The following ITSN1 variants were observed in gnomAD, a reference collection of about 807,000 sequenced individuals.
ITSN1 encodes the protein intersectin 1, also known as intersectin-1.
A neutral mutation model predicts 239.8 loss-of-function variants in ITSN1; 58 were observed. The ratio of observed to expected loss-of-function variants is 0.24; its 90% confidence interval spans 0.20 to 0.30. The LOEUF (loss-of-function observed/expected upper bound fraction) is 0.30, where lower values mean the gene tolerates loss of function less well. Ranked by LOEUF, ITSN1 falls within the 10% of genes least tolerant of loss-of-function variation. The pLI, the probability that ITSN1 is intolerant of heterozygous loss-of-function variation, is 1.00. For missense variants in ITSN1, 1,558 were observed against 2,103.3 expected, an observed-to-expected ratio of 0.74 and a Z score of 5.07; for synonymous variants, 780 against 770.8, an observed-to-expected ratio of 1.01 and a Z score of -0.20.
chr21:33,691,697 C>T (rs1032429712), intron 1 of ITSN1, among the ~76,000 whole-genome samples: 1 of 152,196 alleles, frequency 6.6e-6, no homozygotes, highest in Non-Finnish European at 1.5e-5. Context: ...GGCTAAGTCT[C>T]AGATCAAGAT....
At chr21:33,783,430 C>T (rs2070370722) in intron 16 of ITSN1, among the ~76,000 whole-genome samples, 1 of 152,040 alleles carries the variant, frequency 6.6e-6, no homozygotes, top group Non-Finnish European at 1.5e-5. Flanking sequence ...GGAAAGTGCT[C>T]TTAGGGGAAA....
At chr21:33,840,656 C>G (rs1385002548) in intron 29 of ITSN1, among the ~76,000 whole-genome samples, 2 of 151,766 alleles carry the variant, frequency 1.3e-5, no homozygotes, top group Non-Finnish European at 2.9e-5. Context: ...GCCACCGTGC[C>G]TGGCTTACTT....
chr21:33,772,267 C>T lies in ITSN1; in HGVS notation c.1249C>T (p.Arg417Trp), dbSNP rs751006736. 27 of 1,587,896 alleles carry T rather than the reference C, an allele frequency of 1.7e-5. No homozygotes were observed. Among genetic ancestry groups the T allele is most frequent in the Middle Eastern group, 1.7e-4 (1 of 6,028 alleles). Reference sequence around the variant, plus strand: ...ACTGGAGAAGCAACTGGAAAAGCAGCGGGAGCTAGAACGGCAGAGAGAGGA... The same window carrying T: ...ACTGGAGAAGCAACTGGAAAAGCAGTGGGAGCTAGAACGGCAGAGAGAGGA... ...LELEKQLEKQRELERQREEER... is the reference protein window; with the variant it reads ...LELEKQLEKQWELERQREEER... Residue 417 changes from arginine (R) to tryptophan (W), a missense_variant, in exon 12 of 40, where the codon CGG becomes TGG. By Grantham distance (101) the Arg-to-Trp change is moderately radical. This residue lies in a region of ITSN1 where 982 missense variants were observed against 1,209.9 expected (regional missense o/e 0.81). Transcript: ENST00000381318.
At chr21:33,826,888 C>G in intron 26 of ITSN1, 25 bp downstream of exon 26, 6 of 1,595,632 alleles carry the variant, frequency 3.8e-6, no homozygotes, top group Non-Finnish European at 5.2e-6. Flanking sequence ...CTGATGCTTA[C>G]TTTTCAATGT....
At chr21:33,809,269 G>T (rs556219326) in intron 20 of ITSN1, among the ~76,000 whole-genome samples, 1 of 152,252 alleles carries the variant, frequency 6.6e-6, no homozygotes, top group East Asian at 1.9e-4. Flanking sequence ...TTATACAAGG[G>T]AACTCCTTTT....
intron 1 of ITSN1, among the ~76,000 whole-genome samples, chr21:33,664,598 TAAGC>T (rs1031536629): frequency 6.6e-6 from 1 of 152,172 alleles, no homozygotes; most frequent in African/African-American, 2.4e-5. Context: ...TGTGTAACCA[TAAGC>T]AAGCTATTTA....
chr21:33,873,183 A>G (rs1983046546), intron 33 of ITSN1, among the ~76,000 whole-genome samples: 1 of 152,234 alleles, frequency 6.6e-6, no homozygotes, highest in South Asian at 2.1e-4. Context: ...TTGTGGACTC[A>G]CAAGACATAG....
In ITSN1 at chr21:33,703,962, CCT is replaced by C. The variant is rs1325469894; in HGVS notation, c.-32-14834_-32-14833del. ...GCTTCCTGCACTCCTGGGTAACTCT[CCT>C]GCTTTCTAGGCCACAGGGCCAGGGA... On this transcript the variant is annotated intron_variant, in intron 1 of 39. Coordinates refer to ENST00000381318, the MANE Select transcript of ITSN1 (RefSeq NM_003024.3). 2.6e-5 allele frequency among the ~76,000 whole-genome samples: 4 copies of C among 152,196 alleles called. No individual in the cohort carries two copies. The East Asian group carries it at 7.7e-4, about 29-fold the overall frequency.
chr21:33,727,304 G>GGT (rs1278753677), intron 4 of ITSN1, among the ~76,000 whole-genome samples: 1 of 151,988 alleles, frequency 6.6e-6, no homozygotes, highest in Non-Finnish European at 1.5e-5. Flanking sequence ...AGAGCCAGAA[G>GGT]GTACAGGAAG....
At chr21:33,843,393 A>G (rs2074890863) in intron 29 of ITSN1, among the ~76,000 whole-genome samples, 1 of 152,174 alleles carries the variant, frequency 6.6e-6, no homozygotes, top group Non-Finnish European at 1.5e-5. Context: ...TCAACGCACA[A>G]GCTTCATGCT....
At chr21:33,677,909 G>T (rs1195059527) in intron 1 of ITSN1, among the ~76,000 whole-genome samples, 2 of 152,168 alleles carry the variant, frequency 1.3e-5, no homozygotes, top group Non-Finnish European at 2.9e-5. Flanking sequence ...GTTTATTGTG[G>T]TCTTCTGGAC....
intron 24 of ITSN1, among the ~76,000 whole-genome samples, chr21:33,819,703 C>T (rs567610459): frequency 1.3e-5 from 2 of 152,210 alleles, no homozygotes; most frequent in African/African-American, 4.8e-5. Flanking sequence ...TAACTACAGG[C>T]CGGGCGCGGT....
intron 1 of ITSN1, among the ~76,000 whole-genome samples, chr21:33,654,463 G>A (rs959043800): frequency 5.9e-5 from 9 of 152,106 alleles, no homozygotes; most frequent in African/African-American, 2.2e-4. Flanking sequence ...TTGATTATGA[G>A]ACAAGGTACA....
chr21:33,743,295 G>T (rs1318622782), intron 5 of ITSN1, among the ~76,000 whole-genome samples: 1 of 152,140 alleles, frequency 6.6e-6, no homozygotes, highest in African/African-American at 2.4e-5. Context: ...GCAAAACCCC[G>T]TCTGTACTAA....
intron 14 of ITSN1, among the ~76,000 whole-genome samples, chr21:33,780,774 A>G (rs930882189): frequency 4.6e-5 from 7 of 152,236 alleles, no homozygotes; most frequent in African/African-American, 1.7e-4. Context: ...TGCAGAAACT[A>G]TACAGGATAT....
At chr21:33,754,794 A>G (rs2067800089) in intron 7 of ITSN1, among the ~76,000 whole-genome samples, 1 of 152,222 alleles carries the variant, frequency 6.6e-6, no homozygotes, top group South Asian at 2.1e-4. Context: ...GTCTGAATTT[A>G]AACTTACCAG....
intron 5 of ITSN1, among the ~76,000 whole-genome samples, chr21:33,737,369 T>G (rs2066566326): frequency 6.6e-6 from 1 of 152,142 alleles, no homozygotes; most frequent in Non-Finnish European, 1.5e-5. Flanking sequence ...ATTGATGTTC[T>G]CAGTAAATGA....
In ITSN1 at chr21:33,781,535, G is replaced by C; in HGVS notation, c.1671G>C (p.Gln557His). Residue 557 changes from glutamine (Q) to histidine (H), a missense_variant, in exon 15 of 40, where the codon CAG becomes CAC. Around this residue, in one of 2 missense-constraint regions of ITSN1, gnomAD observed 982 missense variants for 1,209.9 expected, o/e 0.81. Coordinates refer to ENST00000381318, the MANE Select transcript of ITSN1 (RefSeq NM_003024.3). ...ATGACCAATTAAAACAAGTTCAGCAGAACAGTTTGCACAGTAGGTGTTTTA... is the reference window on the plus strand; with the variant it reads ...ATGACCAATTAAAACAAGTTCAGCACAACAGTTTGCACAGTAGGTGTTTTA... ...ILNDQLKQVQ[Q>H]NSLHRDSLVT... 2 of 1,562,502 alleles carry C rather than the reference G, an allele frequency of 1.3e-6. No individual in the cohort carries two copies. Among genetic ancestry groups the C allele is most frequent in the Non-Finnish European group, 1.7e-6 (2 of 1,147,560 alleles).
At chr21:33,880,907 C>G (rs1218870795) in intron 34 of ITSN1, among the ~76,000 whole-genome samples, 1 of 152,092 alleles carries the variant, frequency 6.6e-6, no homozygotes, top group African/African-American at 2.4e-5. Flanking sequence ...TCATCTCCAC[C>G]TCAGTGCCCT....
Sources: gnomAD v4.1 joint callset for allele counts (sites outside exome capture counted in the v4.1 genomes callset) on GRCh38, gnomAD v4.1.1 for gene constraint, gnomAD v4.1.1 regional missense constraint, MANE v1.5 for transcripts, NCBI Gene and HGNC (gene_info 2026-07-23, HGNC 2026-07-21) for gene names.